LONP2: variants seen among roughly 807,000 people sequenced by gnomAD.
The protein encoded by LONP2 is lon protease homolog 2, peroxisomal.
A neutral mutation model predicts 85.6 loss-of-function variants in LONP2; 60 were observed. The ratio of observed to expected loss-of-function variants is 0.70; its 90% confidence interval spans 0.57 to 0.87. The LOEUF (loss-of-function observed/expected upper bound fraction) is 0.87. Ranked by LOEUF, LONP2 falls within the 40% of genes least tolerant of loss-of-function variation. The pLI, the probability that LONP2 is intolerant of heterozygous loss-of-function variation, is 0.00. For synonymous variants in LONP2, 395 were observed against 389.7 expected (o/e 1.01, Z -0.16); for missense variants, 860 against 1,063.5 (o/e 0.81, Z 2.66).
At chr16:48,262,629 G>A (rs972793057) in intron 5 of LONP2, 149 bp from the exon 6 acceptor site, 108 of 535,290 alleles carry the variant, frequency 2.0e-4, no homozygotes, top group Non-Finnish European at 3.1e-4. Flanking sequence ...CAAAATAAAC[G>A]TTTTATTATC....
rs184249546 is a variant in LONP2, at chr16:48,308,965, C to T, written c.1795+5660C>T. Among the ~76,000 whole-genome samples, 34 of 152,110 alleles carry T rather than the reference C, an allele frequency of 2.2e-4. No homozygotes were observed. In the South Asian group the frequency reaches 6.2e-3, roughly 28 times the overall value. On this transcript the variant is annotated intron_variant, in intron 11 of 14. Transcript: ENST00000285737. ...CAACTCAACAACAACAAAAGAACCC[C>T]AAATAACCCCATTAAAAAGTAGGCA...
At chr16:48,301,527 C>T (rs796496527) in intron 10 of LONP2, among the ~76,000 whole-genome samples, 69 of 147,214 alleles carry the variant, frequency 4.7e-4, no homozygotes, top group African/African-American at 1.7e-3. Flanking sequence ...CCCAGCTACT[C>T]GGGAGGCTGA....
intron 8 of LONP2, among the ~76,000 whole-genome samples, chr16:48,294,111 A>ATT (rs1046825675): frequency 6.6e-6 from 1 of 150,626 alleles, no homozygotes; most frequent in Admixed American, 6.6e-5. Flanking sequence ...TAATTTTTGT[A>ATT]TTTTTTTTTA....
intron 8 of LONP2, among the ~76,000 whole-genome samples, chr16:48,285,685 AAAT>A (rs1189801611): frequency 2.0e-5 from 3 of 152,152 alleles, no homozygotes; most frequent in Non-Finnish European, 4.4e-5. Flanking sequence ...TTCTATTTTA[AAAT>A]TTTTATTATT....
chr16:48,280,733 G>C (rs934979201), intron 8 of LONP2, among the ~76,000 whole-genome samples: 1 of 152,302 alleles, frequency 6.6e-6, no homozygotes, highest in East Asian at 1.9e-4. Context: ...GAGGAACTGA[G>C]TATCTTGGTA....
intron 12 of LONP2, among the ~76,000 whole-genome samples, chr16:48,342,620 A>C (rs974899519): frequency 6.6e-6 from 1 of 152,238 alleles, no homozygotes; most frequent in Admixed American, 6.5e-5. Flanking sequence ...ATGCTGCTTA[A>C]GAGATGACAG....
chr16:48,281,147 A>G (rs1176996792), intron 8 of LONP2, among the ~76,000 whole-genome samples: 2 of 152,192 alleles, frequency 1.3e-5, no homozygotes, highest in Non-Finnish European at 2.9e-5. Flanking sequence ...TTAAGGTAAT[A>G]TAGCCCAGAT....
chr16:48,308,133 A>G (rs1466467684), intron 11 of LONP2, among the ~76,000 whole-genome samples: 3 of 152,220 alleles, frequency 2.0e-5, no homozygotes, highest in Non-Finnish European at 4.4e-5. Flanking sequence ...TACTGGTATA[A>G]AAATAGACAC....
intron 11 of LONP2, among the ~76,000 whole-genome samples, chr16:48,312,484 T>C (rs1973054737): frequency 6.6e-6 from 1 of 152,164 alleles, no homozygotes; most frequent in Non-Finnish European, 1.5e-5. Flanking sequence ...TGAGGATGTA[T>C]CTATTATGTA....
chr16:48,339,734 A>G (rs111923237), intron 12 of LONP2, among the ~76,000 whole-genome samples: 3 of 152,292 alleles, frequency 2.0e-5, no homozygotes, highest in African/African-American at 4.8e-5. Context: ...TTTGCAGGAT[A>G]TTATGTAGAA....
At position 48,353,397 on chromosome 16, in the gene LONP2, T is replaced by G. The variant is rs1005600834; in HGVS notation, c.*1595T>G. On this transcript the variant is annotated 3_prime_UTR_variant, in exon 15 of 15. Coordinates refer to ENST00000285737, the MANE Select transcript of LONP2 (RefSeq NM_031490.5). The stretch of plus-strand genomic sequence containing the variant: ...GGCACCCGCCTGTAGTCCAGCTACT[T>G]GAGGCTGAGATGGGAGGATGAGGGA... 4 of 150,672 alleles carry G rather than the reference T, an allele frequency of 2.7e-5. No individual in the cohort carries two copies. Among genetic ancestry groups the G allele is most frequent in the African/African-American group, 9.8e-5 (4 of 40,696 alleles). 9.3% of individuals were successfully genotyped at this position (150,672 alleles called of 1,614,324 possible). A position where few individuals can be genotyped will look rare whatever the true frequency, so the allele number is the denominator to read the frequency against.
chr16:48,327,683 CCT>C (rs1567343722), intron 11 of LONP2, among the ~76,000 whole-genome samples: 3 of 152,304 alleles, frequency 2.0e-5, no homozygotes, highest in South Asian at 2.1e-4. Flanking sequence ...GTCTCGAACT[CCT>C]CACCTCAGGT....
downstream of LONP2, chr16:48,360,414 C>T (rs925588719): frequency 1.3e-5 from 2 of 152,464 alleles, no homozygotes; most frequent in African/African-American, 4.8e-5. Context: ...AGAGTTAAGT[C>T]TACCGCACTT....
At position 48,356,601 on chromosome 16, in the gene LONP2, G is replaced by C. The variant is rs8053839; in HGVS notation, c.*4799G>C. The C allele has an allele frequency of 8.2e-6, 2 of 242,644 alleles. No homozygotes were observed. The highest frequency in any genetic ancestry group is 1.7e-5 in the Non-Finnish European group (2 of 119,084). The allele number at this position is 242,644 out of a possible 1,614,324, so 15.0% of individuals were successfully genotyped here. On this transcript the variant is annotated 3_prime_UTR_variant, in exon 15 of 15. Transcript: ENST00000285737. Reference sequence around the variant, plus strand: ...ACACTAATGCTCATTTTTTTTGTTTGTTTTACAAACATTTGGTGGATACCA... The same window carrying C: ...ACACTAATGCTCATTTTTTTTGTTTCTTTTACAAACATTTGGTGGATACCA...
intron 8 of LONP2, among the ~76,000 whole-genome samples, chr16:48,278,362 C>T (rs1972259490): frequency 6.6e-6 from 1 of 152,178 alleles, no homozygotes; most frequent in Non-Finnish European, 1.5e-5. Flanking sequence ...CTTCACCTCT[C>T]ACCATGTTGG....
At chr16:48,308,269 GAA>G (rs1222396275) in intron 11 of LONP2, among the ~76,000 whole-genome samples, 1 of 152,118 alleles carries the variant, frequency 6.6e-6, no homozygotes, top group African/African-American at 2.4e-5. Context: ...ATGGTGCTGA[GAA>G]AATTGGATAG....
chr16:48,343,239 T>C lies in LONP2; in HGVS notation c.1939-4268T>C, dbSNP rs545571455. The stretch of plus-strand genomic sequence containing the variant: ...GAATGTCAAATATGGGTCCCTCTGA[T>C]GGGTCTATACGTGTTGATCTAGGAT... On this transcript the variant is annotated intron_variant, in intron 12 of 14. Coordinates refer to ENST00000285737, the MANE Select transcript of LONP2 (RefSeq NM_031490.5). Among the ~76,000 whole-genome samples, 11 of 152,266 alleles carry C rather than the reference T, an allele frequency of 7.2e-5. No homozygotes were observed. In the East Asian group the frequency reaches 1.9e-3, roughly 27 times the overall value.
chr16:48,262,892 CT>C lies in LONP2; in HGVS notation c.982+21del, dbSNP rs1416091854. On this transcript the variant is annotated intron_variant, in intron 6 of 14. Coordinates refer to ENST00000285737, the MANE Select transcript of LONP2 (RefSeq NM_031490.5). ...CAACTGGTAAGCCAAAAAATAACAC[CT>C]GTTTTGCAGTCTAATTGTCACTCAG... 1 of 1,491,526 alleles carries C rather than the reference CT, an allele frequency of 6.7e-7. No individual in the cohort carries two copies. The highest frequency in any genetic ancestry group is 1.4e-5 in the African/African-American group (1 of 71,876). 92.4% of individuals were successfully genotyped at this position (1,491,526 alleles called of 1,614,324 possible).
At chr16:48,301,989 C>T (rs1972815771) in intron 10 of LONP2, among the ~76,000 whole-genome samples, 1 of 152,176 alleles carries the variant, frequency 6.6e-6, no homozygotes, top group Non-Finnish European at 1.5e-5. Flanking sequence ...ATTAAACACC[C>T]AGAATTGAAC....
Sources: gnomAD v4.1 joint callset for allele counts (sites outside exome capture counted in the v4.1 genomes callset) on GRCh38, gnomAD v4.1.1 for gene constraint, MANE v1.5 for transcripts, NCBI Gene and HGNC (gene_info 2026-07-23, HGNC 2026-07-21) for gene names.